The following PARD3 variants were observed in gnomAD, a reference collection of about 807,000 sequenced individuals.
PARD3 encodes the protein partitioning defective 3 homolog.
PARD3 carries 75 observed loss-of-function variants against 155.4 expected under a neutral mutation model. That is an observed-to-expected ratio of 0.48 (90% CI 0.40 to 0.58). The LOEUF is 0.58. PARD3 is among the 20% of genes least tolerant of loss of function. The pLI, the probability that PARD3 is intolerant of heterozygous loss-of-function variation, is 0.00. For missense variants in PARD3, 1,642 were observed against 1,721.7 expected (o/e 0.95, Z 0.82); for synonymous variants, 576 against 610.5 (o/e 0.94, Z 0.83).
intron 22 of PARD3, among the ~76,000 whole-genome samples, chr10:34,164,630 T>C (rs946154758): frequency 6.6e-6 from 1 of 152,180 alleles, no homozygotes; most frequent in African/African-American, 2.4e-5. Flanking sequence ...TTGAGAAACA[T>C]TTAAGCAAAT....
At chr10:34,291,717 T>C (rs550249664) in intron 20 of PARD3, among the ~76,000 whole-genome samples, 2 of 152,340 alleles carry the variant, frequency 1.3e-5, no homozygotes, top group South Asian at 2.1e-4. Context: ...TGTGCTCTCA[T>C]ACTGAAAGTA....
chr10:34,173,601 AC>A (rs1949901900), intron 22 of PARD3, among the ~76,000 whole-genome samples: 1 of 152,184 alleles, frequency 6.6e-6, no homozygotes. Flanking sequence ...GAAGAAACTA[AC>A]TTTTACATAT....
chr10:34,787,775 T>C (rs960998728), intron 1 of PARD3, among the ~76,000 whole-genome samples: 1 of 114,608 alleles, frequency 8.7e-6, no homozygotes, highest in African/African-American at 3.5e-5. Flanking sequence ...ACCAACATCC[T>C]TTTTTTTTTT....
intron 1 of PARD3, among the ~76,000 whole-genome samples, chr10:34,736,245 T>C (rs536857343): frequency 1.3e-5 from 2 of 152,050 alleles, no homozygotes; most frequent in East Asian, 1.9e-4. Context: ...TTAGCCAGGA[T>C]GGTCTCAATC....
chr10:34,693,556 A>G (rs2094109600), intron 2 of PARD3, among the ~76,000 whole-genome samples: 1 of 152,214 alleles, frequency 6.6e-6, no homozygotes, highest in African/African-American at 2.4e-5. Context: ...AACAACAGAC[A>G]GCAGGGCCTA....
chr10:34,573,251 G>A (rs1010950882), intron 2 of PARD3, among the ~76,000 whole-genome samples: 5 of 152,086 alleles, frequency 3.3e-5, no homozygotes, highest in Non-Finnish European at 7.3e-5. Flanking sequence ...AGCTACTCAA[G>A]AGGCTGAGGT....
intron 2 of PARD3, among the ~76,000 whole-genome samples, chr10:34,692,232 C>A (rs1431777725): frequency 4.5e-5 from 6 of 132,624 alleles, no homozygotes; most frequent in Non-Finnish European, 5.0e-5. Flanking sequence ...GACTTCATTT[C>A]AAAAAAAAAA....
intron 3 of PARD3, among the ~76,000 whole-genome samples, chr10:34,497,262 CA>C (rs1263928914): frequency 3.3e-5 from 5 of 151,904 alleles, no homozygotes; most frequent in Admixed American, 3.3e-4. Flanking sequence ...ACAAATAATG[CA>C]AAAATTAAAA....
At position 34,352,271 on chromosome 10, in the gene PARD3, CCA is replaced by C. The variant is rs369190185; in HGVS notation, c.2068-4158_2068-4157del. ...GCCTGGCATTTACTTCCATTCCACT[CCA>C]GTCTCGTTTAAAAATCTTCAACAGA... On this transcript the variant is annotated intron_variant, in intron 14 of 24. Transcript: ENST00000374788. Among the ~76,000 whole-genome samples, 22 of 152,338 alleles carry C rather than the reference CCA, an allele frequency of 1.4e-4. No homozygotes were observed. The East Asian group carries it at 3.9e-3, about 27-fold the overall frequency.
chr10:34,512,578 G>C (rs1404768755), intron 3 of PARD3, among the ~76,000 whole-genome samples: 2 of 152,182 alleles, frequency 1.3e-5, no homozygotes, highest in Admixed American at 1.3e-4. Flanking sequence ...AATGAAAAAT[G>C]CTATTTCCAG....
chr10:34,436,433 T>A (rs2076191821), intron 5 of PARD3, among the ~76,000 whole-genome samples: 1 of 152,220 alleles, frequency 6.6e-6, no homozygotes, highest in African/African-American at 2.4e-5. Context: ...ATAGACTGCA[T>A]ACAACATCAT....
chr10:34,378,519 T>G (rs1404279142), intron 9 of PARD3, among the ~76,000 whole-genome samples: 1 of 151,946 alleles, frequency 6.6e-6, no homozygotes, highest in African/African-American at 2.4e-5. Context: ...GGGTAGGAGG[T>G]ATGAGCAAGG....
intron 1 of PARD3, among the ~76,000 whole-genome samples, chr10:34,813,009 C>T (rs1844398157): frequency 6.6e-6 from 1 of 152,140 alleles, no homozygotes; most frequent in Non-Finnish European, 1.5e-5. Context: ...TGGAGGACCC[C>T]GCAGCCTCTT....
chr10:34,687,863 T>TTTTC (rs1157963975), intron 2 of PARD3, among the ~76,000 whole-genome samples: 1 of 135,014 alleles, frequency 7.4e-6, no homozygotes, highest in African/African-American at 2.8e-5. Context: ...TTTTTTTTTT[T>TTTTC]TTTTTTTTTG....
intron 4 of PARD3, among the ~76,000 whole-genome samples, chr10:34,452,055 A>T (rs1006352648): frequency 1.3e-5 from 2 of 152,094 alleles, no homozygotes; most frequent in Non-Finnish European, 2.9e-5. Context: ...TAGTGACAGA[A>T]CCTTATGTGT....
intron 4 of PARD3, among the ~76,000 whole-genome samples, chr10:34,459,272 T>C (rs939996568): frequency 1.3e-5 from 2 of 152,002 alleles, no homozygotes; most frequent in African/African-American, 4.8e-5. Flanking sequence ...GTTCACGCCA[T>C]CCTCCAGCCT....
intron 22 of PARD3, among the ~76,000 whole-genome samples, chr10:34,172,065 T>C (rs192440841): frequency 1.1e-4 from 16 of 151,044 alleles, no homozygotes; most frequent in African/African-American, 3.4e-4. Flanking sequence ...CCAATCTCTC[T>C]ACCCTTGTGA....
chr10:34,159,356 T>G (rs771108751), intron 22 of PARD3, among the ~76,000 whole-genome samples: 15 of 152,054 alleles, frequency 9.9e-5, no homozygotes, highest in Non-Finnish European at 2.2e-4. Context: ...TTTATGGTAG[T>G]TATTCACAAC....
intron 2 of PARD3, among the ~76,000 whole-genome samples, chr10:34,678,015 C>G (rs999971958): frequency 1.3e-5 from 2 of 151,948 alleles, no homozygotes; most frequent in Non-Finnish European, 2.9e-5. Flanking sequence ...AGTCATATAT[C>G]CAGTAGCTTC....
Sources: gnomAD v4.1 joint callset for allele counts (sites outside exome capture counted in the v4.1 genomes callset) on GRCh38, gnomAD v4.1.1 for gene constraint, MANE v1.5 for transcripts, NCBI Gene and HGNC (gene_info 2026-07-23, HGNC 2026-07-21) for gene names.